The following C5orf34 variants were observed in gnomAD, a reference collection of about 807,000 sequenced individuals.
C5orf34 encodes the protein chromosome 5 open reading frame 34.
A neutral mutation model predicts 78.4 loss-of-function variants in C5orf34; 73 were observed. The ratio of observed to expected loss-of-function variants is 0.93; its 90% confidence interval spans 0.77 to 1.13. C5orf34 has a LOEUF of 1.13. C5orf34 is among the 50% of genes most tolerant of loss of function. The pLI, the probability that C5orf34 is intolerant of heterozygous loss-of-function variation, is 0.00. For missense variants in C5orf34, 730 were observed against 732.7 expected (o/e 1.00, Z 0.04); for synonymous variants, 251 against 246.6 (o/e 1.02, Z -0.17).
chr5:43,490,660 ATGAG>A lies in C5orf34; in HGVS notation c.1646_1649del (p.Thr549IlefsTer27), dbSNP rs1460460385. 2 of 1,610,556 alleles carry A rather than the reference ATGAG, an allele frequency of 1.2e-6. No homozygotes were observed. The highest frequency in any genetic ancestry group is 1.7e-6 in the Non-Finnish European group (2 of 1,177,108). On this transcript the variant is annotated frameshift_variant, in exon 11 of 13. Transcript: ENST00000306862. LOFTEE classifies it high-confidence loss of function. The stretch of plus-strand genomic sequence containing the variant: ...TTTCTTGGAGAACAGAAGATGACGA[ATGAG>A]TGGGCATCTCTCTGGGACTAGTCTG...
chr5:43,507,866 C>A (rs1440029414), intron 3 of C5orf34, among the ~76,000 whole-genome samples: 1 of 152,094 alleles, frequency 6.6e-6, no homozygotes, highest in African/African-American at 2.4e-5. Flanking sequence ...ATCACGAGGT[C>A]AGGAGATCGA....
At chr5:43,496,521 A>G in intron 6 of C5orf34, 1 of 1,312,566 alleles carries the variant, frequency 7.6e-7, no homozygotes, top group South Asian at 1.6e-5. Flanking sequence ...GGGAAAAAAA[A>G]GCCATTTTCC....
intron 1 of C5orf34, among the ~76,000 whole-genome samples, chr5:43,510,745 C>A (rs1399374762): frequency 1.3e-5 from 2 of 152,236 alleles, no homozygotes; most frequent in Non-Finnish European, 2.9e-5. Flanking sequence ...ACTCAGTGCT[C>A]AATGGTGCCC....
intron 1 of C5orf34, among the ~76,000 whole-genome samples, chr5:43,510,868 C>T (rs901393243): frequency 1.3e-5 from 2 of 152,270 alleles, no homozygotes; most frequent in Admixed American, 6.5e-5. Flanking sequence ...GCCACCCCAT[C>T]TGGGAAGTGA....
Position 43,503,210 on chromosome 5 carries a change from A to G in C5orf34, c.1028+455T>C, listed in dbSNP as rs534230261. ...TTTGTTGTGGGGTATGGATAATTCA[A>G]TGGAACAGTGCTGGCACAGAGTGGC... On this transcript the variant is annotated intron_variant, in intron 5 of 12. Transcript: ENST00000306862. 1.4e-4 allele frequency among the ~76,000 whole-genome samples: 21 copies of G among 152,308 alleles called. No individual in the cohort carries two copies. The South Asian group carries it at 3.5e-3, about 26-fold the overall frequency.
rs763275045 is a variant in C5orf34 at position 43,505,734 on chromosome 5, C to T, written c.932+14G>A. The T allele has an allele frequency of 2.6e-6, 4 of 1,526,302 alleles. No individual in the cohort carries two copies. Among genetic ancestry groups the T allele is most frequent in the Non-Finnish European group, 3.5e-6 (4 of 1,138,720 alleles). The allele number at this position is 1,526,302 out of a possible 1,614,324, so 94.5% of individuals were successfully genotyped here. On this transcript the variant is annotated intron_variant, in intron 4 of 12. Transcript: ENST00000306862. ...GATAAAAAGCTTCATGACCAATAGC[C>T]ATTACTGCATTACCTGTGTAGGTGT... is the stretch of plus-strand genomic sequence containing the variant.
At position 43,487,126 on chromosome 5, in the gene C5orf34, T is replaced by A; in HGVS notation, c.1721-15A>T. The A allele has an allele frequency of 3.6e-6, 5 of 1,369,880 alleles. No homozygotes were observed. Among genetic ancestry groups the A allele is most frequent in the Non-Finnish European group, 4.9e-6 (5 of 1,020,672 alleles). 84.9% of individuals were successfully genotyped at this position (1,369,880 alleles called of 1,614,324 possible). A position where few individuals can be genotyped will look rare whatever the true frequency, so the allele number is the denominator to read the frequency against. ...TTCTAGTAGCACTAAGTTGCTTAGT[T>A]AAGGAGGTTTTCCCCACATTTTTCA... On this transcript the variant is annotated splice_polypyrimidine_tract_variant and intron_variant, in intron 12 of 12. Transcript: ENST00000306862.
chr5:43,508,521 G>A, intron 3 of C5orf34, 56 bp downstream of exon 3: 1 of 1,020,442 alleles, frequency 9.8e-7, no homozygotes, highest in Non-Finnish European at 1.5e-6. Flanking sequence ...TAAATTACCT[G>A]TTTCTAGTTA....
At chr5:43,495,064 G>C (rs1490883979) in intron 6 of C5orf34, 3 of 1,471,038 alleles carry the variant, frequency 2.0e-6, no homozygotes, top group African/African-American at 1.4e-5. Context: ...CAGGTATTAG[G>C]GATAATATTC....
chr5:43,501,863 AT>A (rs921756569), intron 6 of C5orf34, among the ~76,000 whole-genome samples: 3 of 152,216 alleles, frequency 2.0e-5, no homozygotes. Context: ...ATTAAAACTC[AT>A]TAACAAAATA....
At chr5:43,488,980 G>A (rs531675562) in intron 11 of C5orf34, among the ~76,000 whole-genome samples, 1 of 152,046 alleles carries the variant, frequency 6.6e-6, no homozygotes, top group African/African-American at 2.4e-5. Flanking sequence ...TCTTTCCCTT[G>A]TACTCCAGCC....
In C5orf34 at chr5:43,490,642, G is replaced by A; in HGVS notation, c.1668C>T (p.Leu556=). The change falls in exon 11 of 13, where the codon CTC becomes CTT. Residue 556 remains leucine (L), a synonymous_variant. Transcript: ENST00000306862. ...TAAAAGAAAAATACCAATTTTCTTG[G>A]AGAACAGAAGATGACGAATGAGTGG... ...EMPTHSSSSV[L]QENWSVASEL... 6.2e-7 allele frequency: 1 copy of A among 1,602,220 alleles called. No individual in the cohort carries two copies. Among genetic ancestry groups the A allele is most frequent in the Non-Finnish European group, 8.5e-7 (1 of 1,169,716 alleles).
intron 11 of C5orf34, 75 bp from the exon 12 acceptor site, chr5:43,488,024 C>T (rs1745131918): frequency 1.7e-6 from 2 of 1,178,696 alleles, no homozygotes; most frequent in African/African-American, 3.1e-5. Context: ...ATAAGCATAC[C>T]TGACTTTTTT....
At chr5:43,497,330 G>T (rs368140430) in intron 6 of C5orf34, among the ~76,000 whole-genome samples, 16 of 152,212 alleles carry the variant, frequency 1.1e-4, no homozygotes, top group East Asian at 5.8e-4. Flanking sequence ...GATACTATGC[G>T]CTAGGCACTA....
In C5orf34 at chr5:43,503,676, A is replaced by G; in HGVS notation, c.1017T>C (p.Gly339=). 3 of 1,609,604 alleles carry G rather than the reference A, an allele frequency of 1.9e-6. No homozygotes were observed. Among genetic ancestry groups the G allele is most frequent in the Non-Finnish European group, 2.6e-6 (3 of 1,175,922 alleles). ...PELVKMVWYK[G]VTYRLTHQNM... ...CATAGGTGCCTTACCTATATGTAAC[A>G]CCTTTGTACCAAACCATTTTCACTA... The change falls in exon 5 of 13, where the codon GGT becomes GGC. Residue 339 remains glycine, a synonymous_variant. Transcript: ENST00000306862.
rs780252251 is a variant in C5orf34 at position 43,492,871 on chromosome 5, C to T, written c.1334G>A (p.Ser445Asn). 12 of 1,601,590 alleles carry T rather than the reference C, an allele frequency of 7.5e-6. No individual in the cohort carries two copies. In the Admixed American group the frequency reaches 2.1e-4, roughly 28 times the overall value. The change falls in exon 9 of 13, where the codon AGC becomes AAC. Residue 445 changes from serine (S) to asparagine (N), a missense_variant. Transcript: ENST00000306862. ...TTTCAAAACCAAAGGCAGTATATTG[C>T]TATCATTTATCCCAGGTACCTAAAA... ...CWKMVPGIND[S>N]NILPLVLKES...
chr5:43,495,381 T>A, intron 6 of C5orf34: 1 of 1,611,730 alleles, frequency 6.2e-7, no homozygotes, highest in Non-Finnish European at 8.5e-7. Flanking sequence ...CAATCCAATA[T>A]AGGGGCATAG....
In C5orf34 at chr5:43,510,598, G is replaced by A. The variant is rs527865719; in HGVS notation, c.-36-1223C>T. ...TGTGATTGCAGGCGCGCGCTGCCAC[G>A]CCTGACTGGTTTTCATATTTTTTTG... On this transcript the variant is annotated intron_variant, in intron 1 of 12. Transcript: ENST00000306862. 1.1e-4 allele frequency among the ~76,000 whole-genome samples: 17 copies of A among 152,306 alleles called. No homozygotes were observed. The East Asian group carries it at 2.9e-3, about 26-fold the overall frequency.
intron 6 of C5orf34, chr5:43,495,567 C>A: frequency 6.2e-7 from 1 of 1,612,482 alleles, no homozygotes; most frequent in Non-Finnish European, 8.5e-7. Flanking sequence ...TCACTCAAAG[C>A]TTCATGGTGC....
Sources: allele counts gnomAD v4.1 joint callset (sites outside exome capture counted in the v4.1 genomes callset), GRCh38; gene constraint gnomAD v4.1.1; transcripts MANE v1.5; gene names NCBI Gene and HGNC (gene_info 2026-07-23, HGNC 2026-07-21).